The following SORBS2 variants were observed in gnomAD, a reference collection of about 807,000 sequenced individuals.
SORBS2 encodes sorbin and SH3 domain-containing protein 2.
Under a neutral mutation model 97.7 loss-of-function variants are expected in SORBS2, and 46 were observed. The ratio of observed to expected loss-of-function variants is 0.47; its 90% CI spans 0.37 to 0.60. The LOEUF (loss-of-function observed/expected upper bound fraction) is 0.60. SORBS2 is among the 20% of genes least tolerant of loss of function. The pLI is 0.00. For missense variants in SORBS2, 1,316 were observed against 1,282.3 expected (o/e 1.03, Z -0.40); for synonymous variants, 476 against 473.4 (o/e 1.01, Z -0.07).
In SORBS2 at chr4:185,607,091, G is replaced by T. The variant is rs562571744; in HGVS notation, c.2796+4689C>A. 5 of 1,059,502 alleles carry T rather than the reference G, an allele frequency of 4.7e-6. No homozygotes were observed. Among genetic ancestry groups the T allele is most frequent in the African/African-American group, 1.7e-5 (1 of 57,968 alleles). The allele number at this position is 1,059,502 out of a possible 1,614,324, so 65.6% of individuals were successfully genotyped here. On this transcript the variant is annotated intron_variant, in intron 12 of 14. Transcript: ENST00000418609. This position sits in a 1 kb window ranked among gnomAD's most constrained non-coding sequence, Gnocchi z 5.2. ...GGGGACAATGGGAGGAGGACAGCAG[G>T]TTCCTCCTTAATTTCCAGGATGGCG...
At chr4:185,736,539 A>C (rs912386227) in intron 2 of SORBS2, among the ~76,000 whole-genome samples, 1 of 152,180 alleles carries the variant, frequency 6.6e-6, no homozygotes, top group African/African-American at 2.4e-5. Context: ...GTATACTTTT[A>C]ACAGTCTAAA....
chr4:185,689,924 G>A (rs1046763804), intron 2 of SORBS2, among the ~76,000 whole-genome samples: 7 of 152,194 alleles, frequency 4.6e-5, no homozygotes, highest in African/African-American at 1.7e-4. Flanking sequence ...TTCAAGGTGG[G>A]GGGAAGGCAA....
At chr4:185,855,665 C>G (rs1220903806) in intron 1 of SORBS2, among the ~76,000 whole-genome samples, 2 of 152,100 alleles carry the variant, frequency 1.3e-5, no homozygotes, top group African/African-American at 4.8e-5. Flanking sequence ...TGAAGAATCA[C>G]CAGGAATTAA....
intron 12 of SORBS2, among the ~76,000 whole-genome samples, chr4:185,605,849 T>C (rs1163523347): frequency 2.0e-5 from 3 of 152,226 alleles, no homozygotes; most frequent in Non-Finnish European, 4.4e-5. Flanking sequence ...CCTCTGGAAG[T>C]GCTGGCGTTG....
chr4:185,856,431 T>G (rs2099220579), intron 1 of SORBS2, among the ~76,000 whole-genome samples: 1 of 152,168 alleles, frequency 6.6e-6, no homozygotes, highest in African/African-American at 2.4e-5. Context: ...AGACACACAA[T>G]AGAAGTCACT....
intron 8 of SORBS2, among the ~76,000 whole-genome samples, chr4:185,619,318 C>A (rs2096675681): frequency 6.6e-6 from 1 of 152,214 alleles, no homozygotes; most frequent in Non-Finnish European, 1.5e-5. Context: ...TCCTTCCTCA[C>A]CAACCAACAA....
intron 1 of SORBS2, among the ~76,000 whole-genome samples, chr4:185,804,656 T>C (rs1434943821): frequency 6.6e-5 from 10 of 152,196 alleles, no homozygotes; most frequent in African/African-American, 2.4e-4. Context: ...AAAGTTAATA[T>C]GCATAAAACT....
chr4:185,900,853 A>G (rs1012581967), intron 1 of SORBS2, among the ~76,000 whole-genome samples: 2 of 152,170 alleles, frequency 1.3e-5, no homozygotes, highest in Non-Finnish European at 2.9e-5. Flanking sequence ...AGTCACTAAA[A>G]CTACAGACTG....
intron 4 of SORBS2, among the ~76,000 whole-genome samples, chr4:185,631,617 C>T (rs1416474403): frequency 6.6e-6 from 1 of 152,070 alleles, no homozygotes; most frequent in African/African-American, 2.4e-5. Context: ...GAAAAACGAG[C>T]CAGGCATGGT....
intron 2 of SORBS2, among the ~76,000 whole-genome samples, chr4:185,686,907 A>G (rs779978576): frequency 2.0e-5 from 3 of 152,210 alleles, no homozygotes; most frequent in Non-Finnish European, 2.9e-5. Context: ...TGGACACTCA[A>G]TGAACTACTT....
At chr4:185,827,870 T>C (rs1433972995) in intron 1 of SORBS2, among the ~76,000 whole-genome samples, 4 of 146,338 alleles carry the variant, frequency 2.7e-5, no homozygotes, top group Admixed American at 6.8e-5. Context: ...ACCATCATCA[T>C]CATCGTCACC....
intron 5 of SORBS2, among the ~76,000 whole-genome samples, chr4:185,629,213 T>C (rs2096866262): frequency 6.6e-6 from 1 of 152,192 alleles, no homozygotes; most frequent in East Asian, 1.9e-4. Flanking sequence ...AGGATGCATC[T>C]CCTAGACCTG....
intron 2 of SORBS2, among the ~76,000 whole-genome samples, chr4:185,747,113 A>C (rs2098766690): frequency 6.6e-6 from 1 of 152,168 alleles, no homozygotes; most frequent in African/African-American, 2.4e-5. Context: ...TGGACACACA[A>C]AAAAGACACC....
rs1271028502 is a variant in SORBS2, at chr4:185,623,009, T to G, written c.2120A>C (p.Asn707Thr). 1 of 1,614,070 alleles carries G rather than the reference T, an allele frequency of 6.2e-7. No homozygotes were observed. The highest frequency in any genetic ancestry group is 8.5e-7 in the Non-Finnish European group (1 of 1,180,006). ...ACTGCGGGGCATTCTCCCGCAGTCA[T>G]TCTGGTAGGGTGGACAATGAATAGC... Residue 707 changes from asparagine (N) to threonine (T), a missense_variant, in exon 7 of 15, where the codon AAT becomes ACT. Coordinates refer to ENST00000418609, the Ensembl canonical transcript of SORBS2. This position sits in a 1 kb window ranked among gnomAD's most constrained non-coding sequence, Gnocchi z 6.4.
chr4:185,749,461 GAA>G (rs34842663), intron 2 of SORBS2, among the ~76,000 whole-genome samples: 4 of 151,818 alleles, frequency 2.6e-5, no homozygotes, highest in African/African-American at 4.8e-5. Flanking sequence ...TGACAAGAAA[GAA>G]AAAAAACTTT....
Position 185,618,636 on chromosome 4 carries a change from A to G in SORBS2, c.2305-5T>C. 6.5e-7 allele frequency: 1 copy of G among 1,532,596 alleles called. No homozygotes were observed. The highest frequency in any genetic ancestry group is 8.9e-7 in the Non-Finnish European group (1 of 1,124,880). The allele number at this position is 1,532,596 out of a possible 1,614,324, so 94.9% of individuals were successfully genotyped here. ...AACAGCTTTTGCAGGCAATTTCTGAAAAGGAAGATAAACAATTAGCACTAA... is the reference window on the plus strand; with the variant it reads ...AACAGCTTTTGCAGGCAATTTCTGAGAAGGAAGATAAACAATTAGCACTAA... On this transcript the variant is annotated splice_polypyrimidine_tract_variant and splice_region_variant and intron_variant, in intron 8 of 14. Coordinates refer to ENST00000418609, the Ensembl canonical transcript of SORBS2.
intron 2 of SORBS2, among the ~76,000 whole-genome samples, chr4:185,728,995 A>G (rs941313437): frequency 5.9e-5 from 9 of 152,250 alleles, no homozygotes; most frequent in African/African-American, 2.2e-4. Context: ...TTAGCTGTCA[A>G]ATAGGATGAC....
intron 1 of SORBS2, among the ~76,000 whole-genome samples, chr4:185,922,260 A>G (rs1349754182): frequency 6.7e-6 from 1 of 148,316 alleles, no homozygotes; most frequent in African/African-American, 2.5e-5. Flanking sequence ...TGTTGATAAC[A>G]GTGGTCCTCT....
At chr4:185,665,600 C>T (rs766958612) in intron 4 of SORBS2, 5 of 228,832 alleles carry the variant, frequency 2.2e-5, no homozygotes, top group Non-Finnish European at 3.6e-5. Context: ...TAATGATTTC[C>T]CTGACAGATG....
Sources: gnomAD v4.1 joint callset for allele counts (sites outside exome capture counted in the v4.1 genomes callset) on GRCh38, gnomAD v4.1.1 for gene constraint, Gnocchi (gnomAD v3.1) non-coding constraint, MANE v1.5 for transcripts, NCBI Gene and HGNC (gene_info 2026-07-23, HGNC 2026-07-21) for gene names.